The following ADAMTS6 variants were observed in gnomAD, a reference collection of about 807,000 sequenced individuals.
The protein encoded by ADAMTS6 is ADAM metallopeptidase with thrombospondin type 1 motif 6.
ADAMTS6 carries 23 observed loss-of-function variants against 144.3 expected under a neutral mutation model. The observed-to-expected ratio is 0.16, with a 90% CI of 0.11 to 0.23. The LOEUF (loss-of-function observed/expected upper bound fraction) is 0.23. ADAMTS6 is among the 10% of genes least tolerant of loss of function. ADAMTS6 has a pLI of 1.00. For synonymous variants in ADAMTS6, 444 were observed against 457.5 expected, an observed-to-expected ratio of 0.97 and a Z score of 0.38; for missense variants, 999 against 1,379.6, an observed-to-expected ratio of 0.72 and a Z score of 4.37.
intron 24 of ADAMTS6, among the ~76,000 whole-genome samples, chr5:65,155,197 A>G (rs1414989166): frequency 6.6e-6 from 1 of 152,206 alleles, no homozygotes; most frequent in Non-Finnish European, 1.5e-5. Flanking sequence ...TAATTTATCA[A>G]GCATATCATT....
At chr5:65,454,588 T>A (rs73762004) in intron 4 of ADAMTS6, among the ~76,000 whole-genome samples, 5,734 of 152,270 alleles carry the variant, frequency 0.038, 327 homozygotes, top group African/African-American at 0.13. Flanking sequence ...GTGACTTGTT[T>A]CTAACTAACA....
chr5:65,170,948 C>T (rs1421310466), intron 23 of ADAMTS6, among the ~76,000 whole-genome samples, 175 bp from the exon 24 acceptor site: 1 of 152,068 alleles, frequency 6.6e-6, no homozygotes, highest in Non-Finnish European at 1.5e-5. Flanking sequence ...AAGCAATCCT[C>T]CTGCCTTGGC....
intron 11 of ADAMTS6, among the ~76,000 whole-genome samples, chr5:65,286,859 A>G (rs910524276): frequency 1.3e-5 from 2 of 152,316 alleles, no homozygotes; most frequent in South Asian, 4.1e-4. Context: ...ACTTATTGTT[A>G]TTACTGCAGT....
At chr5:65,452,973 T>C in intron 4 of ADAMTS6, 55 bp from the exon 5 acceptor site, 2 of 1,359,138 alleles carry the variant, frequency 1.5e-6, no homozygotes, top group Non-Finnish European at 2.0e-6. Context: ...TATTTATTTA[T>C]AGATCTTTCA....
intron 7 of ADAMTS6, among the ~76,000 whole-genome samples, chr5:65,368,321 T>C (rs1377639880): frequency 3.3e-5 from 5 of 152,228 alleles, no homozygotes; most frequent in Non-Finnish European, 7.3e-5. Context: ...GCCTTTAAAA[T>C]ACAAAAACCA....
At chr5:65,285,510 A>G (rs1415237422) in intron 11 of ADAMTS6, among the ~76,000 whole-genome samples, 1 of 152,162 alleles carries the variant, frequency 6.6e-6, no homozygotes, top group Non-Finnish European at 1.5e-5. Flanking sequence ...CACTCCCATT[A>G]TAATTATCAG....
intron 22 of ADAMTS6, among the ~76,000 whole-genome samples, chr5:65,178,680 C>T (rs1435317122): frequency 3.3e-5 from 5 of 152,232 alleles, no homozygotes; most frequent in African/African-American, 4.8e-5. Context: ...AGCAATGGTC[C>T]TGTTAGCACA....
chr5:65,321,223 C>G (rs115876777), intron 9 of ADAMTS6, among the ~76,000 whole-genome samples: 7,119 of 152,224 alleles, frequency 0.047, 208 homozygotes, highest in East Asian at 0.11. Flanking sequence ...TTAATTTTGA[C>G]TTTTTAACAA....
intron 6 of ADAMTS6, 82 bp downstream of exon 6, chr5:65,452,051 C>T (rs1054470867): frequency 1.7e-5 from 18 of 1,077,352 alleles, no homozygotes; most frequent in Admixed American, 1.1e-4. Context: ...AATAATAAAA[C>T]ATATTATTTA....
In ADAMTS6 at chr5:65,384,365, T is replaced by C. The variant is rs77159937; in HGVS notation, c.1074-50280A>G. On this transcript the variant is annotated intron_variant, in intron 7 of 24. Transcript: ENST00000381055. ...AGAAACCATGCCACAAGAGAAACCATGCCACATCCTCAACACTTTGCTTAG... is the reference window on the plus strand; with the variant it reads ...AGAAACCATGCCACAAGAGAAACCACGCCACATCCTCAACACTTTGCTTAG... Among the ~76,000 whole-genome samples the C allele has an allele frequency of 5.9e-3, 906 of 152,298 alleles. 12 individuals carry two copies. The highest frequency in any genetic ancestry group is 0.021 in the African/African-American group (871 of 41,566).
intron 7 of ADAMTS6, among the ~76,000 whole-genome samples, chr5:65,375,411 C>T (rs1751426511): frequency 6.6e-6 from 1 of 151,342 alleles, no homozygotes; most frequent in African/African-American, 2.4e-5. Context: ...AACAAATTTA[C>T]AAGAAAAAAA....
chr5:65,318,588 G>A (rs1745241114), intron 9 of ADAMTS6, among the ~76,000 whole-genome samples: 2 of 152,160 alleles, frequency 1.3e-5, no homozygotes, highest in Admixed American at 1.3e-4. Context: ...CAACGTGGAT[G>A]GAACTCGAGA....
At chr5:65,235,732 T>G (rs1427300613) in intron 15 of ADAMTS6, among the ~76,000 whole-genome samples, 2 of 151,938 alleles carry the variant, frequency 1.3e-5, no homozygotes, top group African/African-American at 4.9e-5. Context: ...GATGGCCTAT[T>G]GTGGGACCTT....
chr5:65,239,211 A>G (rs1413627831), intron 15 of ADAMTS6, among the ~76,000 whole-genome samples: 3 of 151,990 alleles, frequency 2.0e-5, no homozygotes, highest in South Asian at 4.2e-4. Context: ...GCACACGTAT[A>G]CATATGTAAC....
chr5:65,380,634 T>C (rs1751965173), intron 7 of ADAMTS6, among the ~76,000 whole-genome samples: 1 of 152,172 alleles, frequency 6.6e-6, no homozygotes, highest in African/African-American at 2.4e-5. Context: ...CCTAAATTGA[T>C]GGACAAAATT....
chr5:65,445,222 CAACA>C (rs1758173782), intron 7 of ADAMTS6, among the ~76,000 whole-genome samples: 1 of 152,192 alleles, frequency 6.6e-6, no homozygotes, highest in African/African-American at 2.4e-5. Flanking sequence ...ATTTGAACTT[CAACA>C]AACAAACATA....
At chr5:65,226,555 A>G (rs1757740532) in intron 15 of ADAMTS6, among the ~76,000 whole-genome samples, 1 of 151,958 alleles carries the variant, frequency 6.6e-6, no homozygotes, top group South Asian at 2.1e-4. Flanking sequence ...AGTGAAGGTA[A>G]TTGAATGTTT....
At chr5:65,372,228 A>C (rs1751022067) in intron 7 of ADAMTS6, among the ~76,000 whole-genome samples, 1 of 145,936 alleles carries the variant, frequency 6.9e-6, no homozygotes, top group South Asian at 2.1e-4. Context: ...CTAACATCAT[A>C]ATGACAAGAT....
intron 7 of ADAMTS6, among the ~76,000 whole-genome samples, chr5:65,424,656 A>G (rs1756355969): frequency 6.6e-6 from 1 of 152,230 alleles, no homozygotes; most frequent in Admixed American, 6.5e-5. Flanking sequence ...AATGGATCAA[A>G]GAAGCATTAA....
Sources: allele counts gnomAD v4.1 joint callset (sites outside exome capture counted in the v4.1 genomes callset), GRCh38; gene constraint gnomAD v4.1.1; transcripts MANE v1.5; gene names NCBI Gene and HGNC (gene_info 2026-07-23, HGNC 2026-07-21).